SMURF2: variants seen among roughly 807,000 people sequenced by gnomAD.
The protein encoded by SMURF2 is SMAD specific E3 ubiquitin protein ligase 2, also known as E3 ubiquitin-protein ligase SMURF2.
SMURF2 carries 48 observed loss-of-function variants against 109.6 expected under a neutral mutation model. The observed-to-expected ratio is 0.44, with a 90% CI of 0.35 to 0.56. The LOEUF is 0.56. SMURF2 is among the 20% of genes least tolerant of loss of function. The pLI is 0.01. For missense variants in SMURF2, 575 were observed against 909.0 expected, an observed-to-expected ratio of 0.63 and a Z score of 4.72; for synonymous variants, 288 against 317.1, an observed-to-expected ratio of 0.91 and a Z score of 0.97.
chr17:64,573,163 GGGA>G (rs1969429148), intron 9 of SMURF2: 1 of 11,012 alleles, frequency 9.1e-5, no homozygotes, highest in African/African-American at 6.5e-4. Flanking sequence ...GAGGAGGAGG[GGGA>G]GGAGGAGGAG....
At position 64,554,948 on chromosome 17, in the gene SMURF2, T is replaced by C. The variant is rs1555683910; in HGVS notation, c.1656A>G (p.Glu552=). The change falls in exon 15 of 19, where the codon GAA becomes GAG. Residue 552 remains glutamate, a synonymous_variant. Transcript: ENST00000262435. ...GAATAATTTCACCATATGCATTATG[T>C]TCAACACAGAAGGTATGGTCCAAAA... ...TGVLDHTFCV[E]HNAYGEIIQH... The C allele has an allele frequency of 6.2e-7, 1 of 1,613,594 alleles. No homozygotes were observed. Among genetic ancestry groups the C allele is most frequent in the South Asian group, 1.1e-5 (1 of 91,048 alleles).
At chr17:64,647,794 G>A (rs1970579140) in intron 1 of SMURF2, among the ~76,000 whole-genome samples, 1 of 151,894 alleles carries the variant, frequency 6.6e-6, no homozygotes, top group Admixed American at 6.6e-5. Context: ...AGTGGCTCAT[G>A]TCTGTAATTC....
Position 64,566,561 on chromosome 17 carries a change from G to GTTTGTTTTTTTT in SMURF2, c.1017-3596_1017-3595insAAAAAAAACAAA, listed in dbSNP as rs1969305868. On this transcript the variant is annotated intron_variant, in intron 10 of 18. Coordinates refer to ENST00000262435, the MANE Select transcript of SMURF2 (RefSeq NM_022739.4). ...GATGTAGAAATGCTTAAGCTTTCTG[G>GTTTGTTTTTTTT]TTTTTTTTTTTTTTTTTTTTTTTTT... Among the ~76,000 whole-genome samples, 52 of 43,800 alleles carry GTTTGTTTTTTTT rather than the reference G, an allele frequency of 1.2e-3. 2 individuals are homozygous for GTTTGTTTTTTTT. Among genetic ancestry groups the GTTTGTTTTTTTT allele is most frequent in the African/African-American group, 3.8e-3 (51 of 13,308 alleles). 28.7% of individuals were successfully genotyped at this position (43,800 alleles called of 152,430 possible).
At position 64,640,137 on chromosome 17, in the gene SMURF2, T is replaced by C. The variant is rs540253009; in HGVS notation, c.52+21692A>G. Among the ~76,000 whole-genome samples the C allele has an allele frequency of 1.2e-4, 19 of 152,302 alleles. No homozygotes were observed. The South Asian group carries it at 3.9e-3, about 32-fold the overall frequency. On this transcript the variant is annotated intron_variant, in intron 1 of 18. Transcript: ENST00000262435. ...GGTTTTTCTATACATCTAAAAGTAT[T>C]CTAAAATCAAAAGTTTATTTTTAAA...
intron 2 of SMURF2, among the ~76,000 whole-genome samples, chr17:64,602,494 A>G (rs1969911328): frequency 6.6e-6 from 1 of 152,178 alleles, no homozygotes; most frequent in African/African-American, 2.4e-5. Flanking sequence ...ATAGGTTTCA[A>G]CTTAACCTGA....
chr17:64,571,409 C>T (rs1203307796), intron 10 of SMURF2, among the ~76,000 whole-genome samples: 1 of 147,916 alleles, frequency 6.8e-6, no homozygotes, highest in African/African-American at 2.6e-5. Flanking sequence ...AGTAGATGTT[C>T]TTTCATTTTT....
At position 64,542,300 on chromosome 17, in the gene SMURF2, G is replaced by A. The variant is rs180999548; in HGVS notation, c.*3548C>T. ...CTCAATATTCTTTAAAAACGTTGAT[G>A]CTGTGACAGTGCAAACAGCATTGAT... On this transcript the variant is annotated 3_prime_UTR_variant, in exon 19 of 19. Transcript: ENST00000262435. 6 of 152,306 alleles carry A rather than the reference G, an allele frequency of 3.9e-5. No individual in the cohort carries two copies. Among genetic ancestry groups the A allele is most frequent in the Admixed American group, 3.9e-4 (6 of 15,294 alleles). 9.4% of individuals were successfully genotyped at this position (152,306 alleles called of 1,614,324 possible).
At chr17:64,603,668 T>C (rs535723554) in intron 2 of SMURF2, among the ~76,000 whole-genome samples, 2 of 152,222 alleles carry the variant, frequency 1.3e-5, no homozygotes, top group South Asian at 2.1e-4. Context: ...GTCTTTACTA[T>C]AAAATTATTT....
Position 64,606,657 on chromosome 17 carries a change from CA to C in SMURF2, c.53-18del. ...CACAGAGTACTGTAAAAAAAAAAAACAAAAAATACATGGGAAAAATTAAAAT... is the reference window on the plus strand; with the variant it reads ...CACAGAGTACTGTAAAAAAAAAAAACAAAAATACATGGGAAAAATTAAAAT... On this transcript the variant is annotated intron_variant, in intron 1 of 18. Coordinates refer to ENST00000262435, the MANE Select transcript of SMURF2 (RefSeq NM_022739.4). 7.3e-7 allele frequency: 1 copy of C among 1,362,898 alleles called. No individual in the cohort carries two copies. Among genetic ancestry groups the C allele is most frequent in the Non-Finnish European group, 1.0e-6 (1 of 996,344 alleles). 84.4% of individuals were successfully genotyped at this position (1,362,898 alleles called of 1,614,324 possible).
At chr17:64,647,482 A>G (rs1970574555) in intron 1 of SMURF2, among the ~76,000 whole-genome samples, 1 of 152,112 alleles carries the variant, frequency 6.6e-6, no homozygotes, top group South Asian at 2.1e-4. Context: ...GCTTGAGACC[A>G]GCCTGGCCAA....
chr17:64,621,745 G>A (rs1222354859), intron 1 of SMURF2, among the ~76,000 whole-genome samples: 6 of 151,558 alleles, frequency 4.0e-5, no homozygotes, highest in African/African-American at 1.2e-4. Flanking sequence ...ATGGTGGCAC[G>A]TGCCTGTAAT....
chr17:64,604,703 T>C (rs1365052090), intron 2 of SMURF2, among the ~76,000 whole-genome samples: 3 of 152,206 alleles, frequency 2.0e-5, no homozygotes, highest in African/African-American at 7.2e-5. Flanking sequence ...CCCAGCACTG[T>C]GGGAGGCCAA....
chr17:64,558,208 T>C (rs1969152588), intron 12 of SMURF2, among the ~76,000 whole-genome samples: 1 of 152,182 alleles, frequency 6.6e-6, no homozygotes, highest in Non-Finnish European at 1.5e-5. Context: ...GTGACCAGCC[T>C]GGGCAACAAG....
At chr17:64,567,150 G>A (rs1969326127) in intron 10 of SMURF2, among the ~76,000 whole-genome samples, 1 of 152,104 alleles carries the variant, frequency 6.6e-6, no homozygotes, top group South Asian at 2.1e-4. Flanking sequence ...GAGCCACCAT[G>A]CCCAGCCTTA....
At chr17:64,607,071 CT>C (rs60276383) in intron 1 of SMURF2, among the ~76,000 whole-genome samples, 8,873 of 134,650 alleles carry the variant, frequency 0.066, 363 homozygotes, top group Admixed American at 0.16. Flanking sequence ...AGTTTTTTTT[CT>C]TTTTTTTTTT....
chr17:64,657,149 C>T (rs1298367734), intron 1 of SMURF2, among the ~76,000 whole-genome samples: 2 of 152,138 alleles, frequency 1.3e-5, no homozygotes, highest in African/African-American at 2.4e-5. Context: ...GAACAATAAA[C>T]GCCTACCAGT....
rs1555689835 is a variant in SMURF2, at chr17:64,613,735, TGTGTGTGTGG to T, written c.53-7105_53-7096del. ...GTGTGTGTGTGTGTGTGTGTGTGTG[TGTGTGTGTGG>T]AGGGGGGGCAGAGGGGAGCAGGCAA... is the stretch of plus-strand genomic sequence containing the variant. On this transcript the variant is annotated intron_variant, in intron 1 of 18. Transcript: ENST00000262435. 2.6e-4 allele frequency among the ~76,000 whole-genome samples: 34 copies of T among 129,224 alleles called. 1 individual carries two copies. The highest frequency in any genetic ancestry group is 9.5e-4 in the African/African-American group (33 of 34,634). The allele number at this position is 129,224 out of a possible 152,430, so 84.8% of individuals were successfully genotyped here.
intron 10 of SMURF2, among the ~76,000 whole-genome samples, chr17:64,568,613 A>G (rs1360319134): frequency 2.6e-5 from 4 of 152,222 alleles, no homozygotes; most frequent in Admixed American, 1.3e-4. Context: ...CAATTAAGAT[A>G]CAAAAGTAAA....
chr17:64,587,823 C>T (rs1226335089), intron 5 of SMURF2, among the ~76,000 whole-genome samples: 4 of 151,980 alleles, frequency 2.6e-5, no homozygotes, highest in African/African-American at 4.8e-5. Context: ...AAGTGAAATG[C>T]GTACCAAAAT....
Sources: allele counts gnomAD v4.1 joint callset (sites outside exome capture counted in the v4.1 genomes callset), GRCh38; gene constraint gnomAD v4.1.1; transcripts MANE v1.5; gene names NCBI Gene and HGNC (gene_info 2026-07-23, HGNC 2026-07-21).